LRRTM3: variants seen among roughly 807,000 people sequenced by gnomAD.
The protein encoded by LRRTM3 is leucine rich repeat transmembrane neuronal 3.
Under a neutral mutation model 44.7 loss-of-function variants are expected in LRRTM3, and 24 were observed. That is an observed-to-expected ratio of 0.54 (90% confidence interval 0.39 to 0.76). The LOEUF (loss-of-function observed/expected upper bound fraction) is 0.76, where lower values mean the gene tolerates loss of function less well. Among genes scored for constraint, LRRTM3 ranks in the 30% least tolerant of loss-of-function variants. The probability of loss-of-function intolerance (pLI) is 0.00; values close to 1 mark genes in which losing one functional copy is unlikely to be tolerated. For synonymous variants in LRRTM3, 277 were observed against 278.7 expected, an observed-to-expected ratio of 0.99 and a Z score of 0.06; for missense variants, 587 against 702.2, an observed-to-expected ratio of 0.84 and a Z score of 1.85.
chr10:67,053,904 G>A (rs893215696), intron 2 of LRRTM3, among the ~76,000 whole-genome samples: 15 of 152,196 alleles, frequency 9.9e-5, no homozygotes, highest in Admixed American at 8.5e-4. Flanking sequence ...ATATTGTCAT[G>A]ATTACCTCCC....
At chr10:67,079,675 C>T (rs1473070288) in intron 2 of LRRTM3, among the ~76,000 whole-genome samples, 1 of 151,902 alleles carries the variant, frequency 6.6e-6, no homozygotes, top group East Asian at 1.9e-4. Flanking sequence ...TAGTGAAACC[C>T]CATCTCTACT....
chr10:67,030,210 C>A (rs1191107614), intron 2 of LRRTM3, among the ~76,000 whole-genome samples: 1 of 152,166 alleles, frequency 6.6e-6, no homozygotes, highest in Non-Finnish European at 1.5e-5. Flanking sequence ...TGCATTTTTA[C>A]ACTTAGCAGC....
At chr10:66,995,985 CCTTA>C (rs779960881) in intron 2 of LRRTM3, among the ~76,000 whole-genome samples, 2 of 152,108 alleles carry the variant, frequency 1.3e-5, no homozygotes, top group Non-Finnish European at 2.9e-5. Flanking sequence ...TTTCACATTA[CCTTA>C]CTATTATATC....
chr10:67,064,080 C>T lies in LRRTM3; in HGVS notation c.1537-33507C>T, dbSNP rs145879168. Among the ~76,000 whole-genome samples, 911 of 152,270 alleles carry T rather than the reference C, an allele frequency of 6.0e-3. 8 individuals carry two copies. Among genetic ancestry groups the T allele is most frequent in the African/African-American group, 0.021 (855 of 41,548 alleles). On this transcript the variant is annotated intron_variant, in intron 2 of 2. Transcript: ENST00000361320. The stretch of plus-strand genomic sequence containing the variant: ...CGCTTCAGCTTTTCACTTAATAGTG[C>T]ACTTATTTCTAGTTAGCCCTTGAGT...
intron 2 of LRRTM3, among the ~76,000 whole-genome samples, chr10:67,092,263 CTG>C (rs1857688724): frequency 6.6e-6 from 1 of 151,710 alleles, no homozygotes; most frequent in Admixed American, 6.6e-5. Context: ...AAGATTTCCC[CTG>C]TGATATATGA....
intron 2 of LRRTM3, among the ~76,000 whole-genome samples, chr10:67,023,545 C>T (rs897164379): frequency 6.6e-6 from 1 of 152,094 alleles, no homozygotes; most frequent in African/African-American, 2.4e-5. Context: ...CATGATTCTT[C>T]CACTTCTCAT....
chr10:67,032,617 C>T (rs1229195822), intron 2 of LRRTM3, among the ~76,000 whole-genome samples: 1 of 152,138 alleles, frequency 6.6e-6, no homozygotes, highest in Non-Finnish European at 1.5e-5. Flanking sequence ...GTAATTTCTA[C>T]AGTTACAATT....
At chr10:66,947,848 A>G (rs1848351474) in intron 2 of LRRTM3, among the ~76,000 whole-genome samples, 1 of 152,200 alleles carries the variant, frequency 6.6e-6, no homozygotes, top group South Asian at 2.1e-4. Context: ...AGCGACAGGA[A>G]TAGGTTCTGA....
chr10:67,027,825 C>T (rs1391044314), intron 2 of LRRTM3, among the ~76,000 whole-genome samples: 4 of 151,978 alleles, frequency 2.6e-5, no homozygotes, highest in Non-Finnish European at 5.9e-5. Context: ...TCGTTTTTTC[C>T]TTTTAAAACT....
chr10:66,946,414 A>G lies in LRRTM3; in HGVS notation c.1536+17962A>G, dbSNP rs562575509. 2.0e-5 allele frequency among the ~76,000 whole-genome samples: 3 copies of G among 152,290 alleles called. No homozygotes were observed. In the South Asian group the frequency reaches 6.2e-4, roughly 32 times the overall value. On this transcript the variant is annotated intron_variant, in intron 2 of 2. Transcript: ENST00000361320. ...CTTTTTTTGTTGGCATATAATATAC[A>G]TAGAGAAAAGTGCACATATGGTCAA...
At chr10:67,044,574 G>A (rs951537763) in intron 2 of LRRTM3, among the ~76,000 whole-genome samples, 5 of 152,224 alleles carry the variant, frequency 3.3e-5, no homozygotes, top group East Asian at 1.9e-4. Context: ...AGAAGTGATA[G>A]CTATCCCTCT....
At chr10:66,994,166 G>A (rs148042248) in intron 2 of LRRTM3, among the ~76,000 whole-genome samples, 117 of 152,142 alleles carry the variant, frequency 7.7e-4, no homozygotes, top group Middle Eastern at 6.8e-3. Context: ...AAGGTCCCTC[G>A]TATAAAAACC....
chr10:66,985,062 G>A (rs747559539), intron 2 of LRRTM3, among the ~76,000 whole-genome samples: 3 of 152,098 alleles, frequency 2.0e-5, no homozygotes, highest in Non-Finnish European at 2.9e-5. Flanking sequence ...CTTTGTCTCA[G>A]ATTTTTCCGT....
intron 2 of LRRTM3, among the ~76,000 whole-genome samples, chr10:66,947,997 A>C (rs1018525507): frequency 4.6e-5 from 7 of 152,242 alleles, no homozygotes; most frequent in Non-Finnish European, 1.0e-4. Flanking sequence ...CTTGTATAGC[A>C]AGTTACTGTA....
intron 2 of LRRTM3, among the ~76,000 whole-genome samples, chr10:66,993,472 A>G (rs1851151881): frequency 6.6e-6 from 1 of 152,144 alleles, no homozygotes; most frequent in South Asian, 2.1e-4. Context: ...GGAAATAACA[A>G]TCTATTGCAT....
rs1457849087 is a variant in LRRTM3 at position 67,100,480 on chromosome 10, A to T, written c.*2684A>T. Among the ~76,000 whole-genome samples, 1 of 151,728 alleles carries T rather than the reference A, an allele frequency of 6.6e-6. No individual in the cohort carries two copies. Among genetic ancestry groups the T allele is most frequent in the Non-Finnish European group, 1.5e-5 (1 of 67,804 alleles). On this transcript the variant is annotated 3_prime_UTR_variant, in exon 3 of 3. Transcript: ENST00000361320. ...ACTGTGTCTGGAATCTTTATCACAT[A>T]TTTCCAATTTATTTCAGTTTTTGTC...
intron 2 of LRRTM3, among the ~76,000 whole-genome samples, chr10:67,043,140 T>C (rs867348122): frequency 5.1e-4 from 77 of 150,792 alleles, no homozygotes; most frequent in African/African-American, 1.3e-3. Flanking sequence ...TCTTTCTTTT[T>C]TTTTTTTTTT....
chr10:67,013,155 C>G (rs1467287268), intron 2 of LRRTM3: 1 of 152,080 alleles, frequency 6.6e-6, no homozygotes, highest in Non-Finnish European at 1.5e-5. Context: ...GGTGAAAAGA[C>G]TAAAGTCAAA....
intron 2 of LRRTM3, among the ~76,000 whole-genome samples, chr10:67,063,506 A>G (rs529398520): frequency 6.6e-6 from 1 of 152,362 alleles, no homozygotes; most frequent in South Asian, 2.1e-4. Flanking sequence ...ACGAACAGGC[A>G]GGTAATAGAG....
Sources: allele counts gnomAD v4.1 joint callset (sites outside exome capture counted in the v4.1 genomes callset), GRCh38; gene constraint gnomAD v4.1.1; transcripts MANE v1.5; gene names NCBI Gene and HGNC (gene_info 2026-07-23, HGNC 2026-07-21).